The following ZNF529 variants were observed in gnomAD, a reference collection of about 807,000 sequenced individuals.
The protein encoded by ZNF529 is zinc finger protein 529.
A neutral mutation model predicts 10.1 loss-of-function variants in ZNF529; 11 were observed. The observed-to-expected ratio is 1.09, with a 90% confidence interval of 0.69 to 1.81. The LOEUF is 1.81. Ranked by LOEUF, ZNF529 falls within the 40% of genes most tolerant of loss-of-function variation. The pLI, the probability that ZNF529 is intolerant of heterozygous loss-of-function variation, is 0.00. For missense variants in ZNF529, 624 were observed against 666.8 expected (o/e 0.94, Z 0.71); for synonymous variants, 204 against 215.7 (o/e 0.95, Z 0.47).
At chr19:36,558,388 C>A (rs2912401) in intron 2 of ZNF529, among the ~76,000 whole-genome samples, 1 of 151,610 alleles carries the variant, frequency 6.6e-6, no homozygotes, top group African/African-American at 2.4e-5. Context: ...TATAAAAGCA[C>A]TGAAATCCAA....
At chr19:36,595,129 G>A (rs1050839030) in intron 1 of ZNF529, among the ~76,000 whole-genome samples, 17 of 151,970 alleles carry the variant, frequency 1.1e-4, no homozygotes, top group African/African-American at 3.9e-4. Context: ...CACGCGCCTT[G>A]GCCTGCCAAA....
rs1055637403 is a variant in ZNF529 at position 36,547,770 on chromosome 19, A to G, written c.788T>C (p.Phe263Ser). ...TGGAGTAACTTTTCCAACTCTTTCA[A>G]AGGTCCTTCTGTATTCCTTACATTT... Reference protein sequence around the residue: ...FYKCKEYRRTFERVGKVTPLQ... With the variant: ...FYKCKEYRRTSERVGKVTPLQ... The change falls in exon 5 of 5, where the codon TTT becomes TCT. Residue 263 changes from phenylalanine to serine, a missense_variant. By Grantham distance (155) the Phe-to-Ser change is radical. Coordinates refer to ENST00000591340, the MANE Select transcript of ZNF529 (RefSeq NM_020951.5). 5.0e-6 allele frequency: 8 copies of G among 1,613,152 alleles called. No individual in the cohort carries two copies. The highest frequency in any genetic ancestry group is 1.7e-5 in the Admixed American group (1 of 59,902).
chr19:36,547,180 T>C lies in ZNF529; in HGVS notation c.1378A>G (p.Arg460Gly). ...TGTTGAATAAGGGCTGACGTAAGTC[T>C]AAAGAACTTTCCACACTCCTTACAT... Reference protein sequence around the residue: ...YECKECGKFFRLTSALIQHQR... With the variant: ...YECKECGKFFGLTSALIQHQR... The change falls in exon 5 of 5, where the codon AGA (arginine) becomes GGA (glycine). Residue 460 changes from arginine to glycine, a missense_variant. Transcript: ENST00000591340. 1.2e-6 allele frequency: 2 copies of C among 1,613,324 alleles called. No homozygotes were observed. The highest frequency in any genetic ancestry group is 1.7e-6 in the Non-Finnish European group (2 of 1,179,412).
At chr19:36,593,611 A>G (rs867094646) in intron 1 of ZNF529, among the ~76,000 whole-genome samples, 1 of 152,288 alleles carries the variant, frequency 6.6e-6, no homozygotes, top group African/African-American at 2.4e-5. Context: ...GCTAAATATT[A>G]ATGGGAAAAT....
At chr19:36,559,713 G>A (rs1160554940) in intron 2 of ZNF529, among the ~76,000 whole-genome samples, 1 of 152,192 alleles carries the variant, frequency 6.6e-6, no homozygotes, top group Non-Finnish European at 1.5e-5. Flanking sequence ...ACAGATAAAA[G>A]TGTGTTTGTA....
Position 36,547,656 on chromosome 19 carries a change from T to C in ZNF529, c.902A>G (p.Gln301Arg), listed in dbSNP as rs1418927794. 6.2e-7 allele frequency: 1 copy of C among 1,613,872 alleles called. No individual in the cohort carries two copies. Among genetic ancestry groups the C allele is most frequent in the South Asian group, 1.1e-5 (1 of 91,068 alleles). ...FRVHAQLTRH[Q>R]KIHTDEKTYK... is the part of the protein sequence containing the mutation. ...AGTTTTCTCATCAGTATGGATTTTCTGATGTCGAGTAAGTTGTGCATGCAC... is the reference window on the plus strand; with the variant it reads ...AGTTTTCTCATCAGTATGGATTTTCCGATGTCGAGTAAGTTGTGCATGCAC... Residue 301 changes from glutamine (Q) to arginine (R), a missense_variant, in exon 5 of 5, where the codon CAG becomes CGG. By Grantham distance (43) the Gln-to-Arg change is conservative. Coordinates refer to ENST00000591340, the MANE Select transcript of ZNF529 (RefSeq NM_020951.5).
intron 1 of ZNF529, chr19:36,594,102 A>T (rs1322594477): frequency 6.6e-6 from 1 of 152,008 alleles, no homozygotes; most frequent in Non-Finnish European, 1.5e-5. Flanking sequence ...AAGCCACTCA[A>T]CCCTATCTTG....
Position 36,546,619 on chromosome 19 carries a change from C to A in ZNF529, c.*247G>T. 2.6e-6 allele frequency: 1 copy of A among 382,078 alleles called. No homozygotes were observed. Among genetic ancestry groups the A allele is most frequent in the South Asian group, 7.4e-5 (1 of 13,564 alleles). 23.7% of individuals were successfully genotyped at this position (382,078 alleles called of 1,614,324 possible). On this transcript the variant is annotated 3_prime_UTR_variant, in exon 5 of 5. Coordinates refer to ENST00000591340, the MANE Select transcript of ZNF529 (RefSeq NM_020951.5). Reference sequence around the variant, plus strand: ...AAAAGCTATTGTAAACAAAACATGCCAGGATGAGAAACTCATGAAAAAAAC... The same window carrying A: ...AAAAGCTATTGTAAACAAAACATGCAAGGATGAGAAACTCATGAAAAAAAC...
intron 3 of ZNF529, among the ~76,000 whole-genome samples, chr19:36,555,288 G>GTTT (rs1174016214): frequency 1.1e-5 from 1 of 90,250 alleles, no homozygotes; most frequent in Admixed American, 9.5e-5. Context: ...CAGCGATAAA[G>GTTT]TTTTTTTTTT....
At chr19:36,568,442 G>A (rs1475483475) in intron 2 of ZNF529, among the ~76,000 whole-genome samples, 1 of 129,898 alleles carries the variant, frequency 7.7e-6, no homozygotes, top group Non-Finnish European at 1.7e-5. Flanking sequence ...GAGGTACTGA[G>A]GTACTGGTTT....
intron 2 of ZNF529, among the ~76,000 whole-genome samples, chr19:36,570,956 T>C (rs1306994978): frequency 6.6e-6 from 1 of 152,218 alleles, no homozygotes; most frequent in East Asian, 1.9e-4. Context: ...ATTGTTTACA[T>C]TCTACAACAA....
At position 36,547,386 on chromosome 19, in the gene ZNF529, T is replaced by C; in HGVS notation, c.1172A>G (p.Lys391Arg). 1.2e-6 allele frequency: 2 copies of C among 1,614,020 alleles called. No individual in the cohort carries two copies. Among genetic ancestry groups the C allele is most frequent in the Non-Finnish European group, 1.7e-6 (2 of 1,179,958 alleles). ...LARHQRIHTG[K>R]KPYECKACGK... ...ACATGCTTTGCATTCATAGGGTTTC[T>C]TACCAGTATGAATTCTCTGATGACG... The change falls in exon 5 of 5, where the codon AAG becomes AGG. Residue 391 changes from lysine to arginine, a missense_variant. Physicochemically the swap from Lys to Arg is conservative, Grantham distance 26 (BLOSUM62 2). Transcript: ENST00000591340.
chr19:36,580,746 A>G (rs1315953731), intron 2 of ZNF529: 1 of 152,248 alleles, frequency 6.6e-6, no homozygotes, highest in African/African-American at 2.4e-5. Context: ...TCAGTAGTAT[A>G]TGTAATCAGC....
At chr19:36,553,802 C>T (rs1050104535) in intron 4 of ZNF529, among the ~76,000 whole-genome samples, 2 of 152,294 alleles carry the variant, frequency 1.3e-5, no homozygotes, top group South Asian at 2.1e-4. Flanking sequence ...AATTCAGCTA[C>T]AAAATCCTAA....
intron 2 of ZNF529, among the ~76,000 whole-genome samples, chr19:36,578,583 G>A (rs558333194): frequency 2.3e-4 from 35 of 151,062 alleles, no homozygotes; most frequent in South Asian, 8.4e-4. Flanking sequence ...AGGATTATAG[G>A]CATGAGCCAC....
At chr19:36,582,751 G>T (rs2036497878) in intron 2 of ZNF529, 1 of 143,238 alleles carries the variant, frequency 7.0e-6, no homozygotes, top group Non-Finnish European at 1.5e-5. Flanking sequence ...CAATTAAGTA[G>T]AAATAGAAAG....
chr19:36,591,609 C>T (rs1198703007), intron 1 of ZNF529, among the ~76,000 whole-genome samples: 2 of 151,728 alleles, frequency 1.3e-5, no homozygotes, highest in African/African-American at 4.8e-5. Flanking sequence ...CCTGTAGTCC[C>T]AGCTACTCAG....
intron 2 of ZNF529, among the ~76,000 whole-genome samples, chr19:36,568,859 G>A (rs112570260): frequency 2.0e-5 from 3 of 152,154 alleles, no homozygotes; most frequent in African/African-American, 7.2e-5. Context: ...GTGCATCAAA[G>A]CTAAAACACT....
intron 2 of ZNF529, among the ~76,000 whole-genome samples, chr19:36,557,544 G>C (rs116320819): frequency 0.01 from 1,523 of 152,236 alleles, 29 homozygotes; most frequent in African/African-American, 0.035. Context: ...TACAAGAACA[G>C]TATGGGGGAA....
Sources: gnomAD v4.1 joint callset for allele counts (sites outside exome capture counted in the v4.1 genomes callset) on GRCh38, gnomAD v4.1.1 for gene constraint, MANE v1.5 for transcripts, NCBI Gene and HGNC (gene_info 2026-07-23, HGNC 2026-07-21) for gene names.